WDR70: variants seen among roughly 807,000 people sequenced by gnomAD.
WDR70 encodes the protein WD repeat-containing protein 70.
WDR70 carries 53 observed loss-of-function variants against 88.6 expected under a neutral mutation model. The observed-to-expected ratio is 0.60, with a 90% CI of 0.48 to 0.75. WDR70 has a LOEUF of 0.75. Among genes scored for constraint, WDR70 ranks in the 30% least tolerant of loss-of-function variants. The pLI, the probability that WDR70 is intolerant of heterozygous loss-of-function variation, is 0.00. For missense variants in WDR70, 610 were observed against 823.2 expected (o/e 0.74, Z 3.17); for synonymous variants, 280 against 270.0 (o/e 1.04, Z -0.36).
chr5:37,613,284 C>T (rs1446964395), intron 10 of WDR70, among the ~76,000 whole-genome samples: 1 of 152,142 alleles, frequency 6.6e-6, no homozygotes, highest in South Asian at 2.1e-4. Context: ...ATGCTTCCTC[C>T]TGAAACCTCA....
chr5:37,448,448 G>C (rs1466340275), intron 7 of WDR70, among the ~76,000 whole-genome samples: 1 of 152,102 alleles, frequency 6.6e-6, no homozygotes, highest in Non-Finnish European at 1.5e-5. Context: ...TTGACCTTTT[G>C]ATGGAAAGAG....
chr5:37,447,345 G>A (rs1184563237), intron 7 of WDR70, among the ~76,000 whole-genome samples: 2 of 152,184 alleles, frequency 1.3e-5, no homozygotes, highest in Non-Finnish European at 2.9e-5. Flanking sequence ...TGGTGGGACT[G>A]TAAACTAGTT....
chr5:37,395,996 G>A (rs1335083411), intron 4 of WDR70, among the ~76,000 whole-genome samples: 3 of 152,018 alleles, frequency 2.0e-5, no homozygotes, highest in Non-Finnish European at 4.4e-5. Context: ...ACAGGGTCTC[G>A]TGATGTTTCC....
At position 37,443,663 on chromosome 5, in the gene WDR70, G is replaced by A. The variant is rs1269322647; in HGVS notation, c.686+291G>A. Among the ~76,000 whole-genome samples the A allele has an allele frequency of 4.6e-5, 7 of 152,180 alleles. No homozygotes were observed. The East Asian group carries it at 9.6e-4, about 21-fold the overall frequency. ...AGGCCTGGAGTTTGAGACCAGAATG[G>A]ACAACATGGCAAAAGCCCGTCTCTA... On this transcript the variant is annotated intron_variant, in intron 7 of 17. Transcript: ENST00000265107.
intron 10 of WDR70, among the ~76,000 whole-genome samples, chr5:37,615,874 G>A (rs945412564): frequency 3.9e-5 from 6 of 152,056 alleles, no homozygotes; most frequent in African/African-American, 9.7e-5. Flanking sequence ...CCTCAATTGC[G>A]TCTCTCGCTT....
At chr5:37,454,012 C>T (rs1241155255) in intron 7 of WDR70, among the ~76,000 whole-genome samples, 1 of 152,154 alleles carries the variant, frequency 6.6e-6, no homozygotes, top group African/African-American at 2.4e-5. Flanking sequence ...ATTCCAGCAC[C>T]TAAAACAGTG....
At chr5:37,589,199 T>C (rs1743452946) in intron 9 of WDR70, among the ~76,000 whole-genome samples, 1 of 150,414 alleles carries the variant, frequency 6.6e-6, no homozygotes, top group Non-Finnish European at 1.5e-5. Context: ...AGCTGGATCA[T>C]TGATTGAGAT....
intron 5 of WDR70, among the ~76,000 whole-genome samples, chr5:37,415,591 G>A (rs1388670262): frequency 2.8e-5 from 4 of 144,448 alleles, no homozygotes; most frequent in Non-Finnish European, 4.6e-5. Context: ...TCCCGGACGG[G>A]GCGGCTGGCC....
chr5:37,447,707 T>G (rs546381285), intron 7 of WDR70, among the ~76,000 whole-genome samples: 2 of 152,298 alleles, frequency 1.3e-5, no homozygotes, highest in East Asian at 3.9e-4. Flanking sequence ...AAACACCGCA[T>G]GTTCTCACTC....
rs184088082 is a variant in WDR70, at chr5:37,596,412, A to G, written c.918-8652A>G. Among the ~76,000 whole-genome samples the G allele has an allele frequency of 2.3e-3, 346 of 152,286 alleles. 2 individuals are homozygous for G. The highest frequency in any genetic ancestry group is 2.6e-3 in the Non-Finnish European group (176 of 68,010). ...TTCTGTATTTTCTAGCTTCTCTTGC[A>G]GTTAGATGTGATTAAATGTGGCAAC... On this transcript the variant is annotated intron_variant, in intron 9 of 17. Coordinates refer to ENST00000265107, the MANE Select transcript of WDR70 (RefSeq NM_018034.4).
At chr5:37,602,308 C>T (rs553447576) in intron 9 of WDR70, among the ~76,000 whole-genome samples, 1 of 144,300 alleles carries the variant, frequency 6.9e-6, no homozygotes, top group South Asian at 2.2e-4. Flanking sequence ...GTTAAAAGAT[C>T]AGTACACTGA....
intron 13 of WDR70, among the ~76,000 whole-genome samples, chr5:37,706,519 G>C (rs533370109): frequency 6.6e-6 from 1 of 152,206 alleles, no homozygotes; most frequent in Admixed American, 6.5e-5. Context: ...AGATCTGATG[G>C]TTTTATAAAT....
chr5:37,681,727 C>T (rs1455946576), intron 10 of WDR70, among the ~76,000 whole-genome samples: 2 of 152,040 alleles, frequency 1.3e-5, no homozygotes, highest in East Asian at 3.9e-4. Context: ...TCATGAATAA[C>T]ATTTATTGAT....
chr5:37,637,956 A>G (rs949683927), intron 10 of WDR70, among the ~76,000 whole-genome samples: 2 of 152,166 alleles, frequency 1.3e-5, no homozygotes, highest in East Asian at 1.9e-4. Context: ...AGGGGTAGCA[A>G]TGCCACTGAC....
At chr5:37,601,012 AT>A (rs1743866102) in intron 9 of WDR70, among the ~76,000 whole-genome samples, 1 of 152,124 alleles carries the variant, frequency 6.6e-6, no homozygotes, top group Non-Finnish European at 1.5e-5. Flanking sequence ...CTTCTTTCCT[AT>A]TTGGATAACT....
Position 37,718,848 on chromosome 5 carries a change from C to T in WDR70, c.1417-2267C>T, listed in dbSNP as rs895193102. On this transcript the variant is annotated intron_variant, in intron 13 of 17. Transcript: ENST00000265107. ...GGGATATGTTGCCAAACAAAACTGA[C>T]TGAGATCTTTGCCCATGAAATATGT... Among the ~76,000 whole-genome samples, 3 of 152,136 alleles carry T rather than the reference C, an allele frequency of 2.0e-5. No homozygotes were observed. In the South Asian group the frequency reaches 6.2e-4, roughly 32 times the overall value.
intron 17 of WDR70, among the ~76,000 whole-genome samples, chr5:37,751,197 A>C (rs991026783): frequency 6.6e-6 from 1 of 152,232 alleles, no homozygotes; most frequent in Non-Finnish European, 1.5e-5. Context: ...ATATGTAATA[A>C]GCACCAATTG....
At chr5:37,541,238 C>G (rs185775024) in intron 9 of WDR70, among the ~76,000 whole-genome samples, 1 of 152,164 alleles carries the variant, frequency 6.6e-6, no homozygotes, top group Admixed American at 6.5e-5. Flanking sequence ...GAATTGATTA[C>G]TTTTGAAATG....
rs79127106 is a variant in WDR70, at chr5:37,572,861, A to G, written c.918-32203A>G. 4.1e-3 allele frequency among the ~76,000 whole-genome samples: 623 copies of G among 152,314 alleles called. 34 individuals are homozygous for G. In the East Asian group the frequency reaches 0.094, roughly 23 times the overall value. On this transcript the variant is annotated intron_variant, in intron 9 of 17. Coordinates refer to ENST00000265107, the MANE Select transcript of WDR70 (RefSeq NM_018034.4). The stretch of plus-strand genomic sequence containing the variant: ...ACTTAAAACCTCTAGGCTTTGGGCT[A>G]AAATCCGAAATGTTTATTACTTCCC...
Sources: gnomAD v4.1 joint callset for allele counts (sites outside exome capture counted in the v4.1 genomes callset) on GRCh38, gnomAD v4.1.1 for gene constraint, MANE v1.5 for transcripts, NCBI Gene and HGNC (gene_info 2026-07-23, HGNC 2026-07-21) for gene names.